FYN: variants seen among roughly 807,000 people sequenced by gnomAD.
FYN encodes FYN proto-oncogene, Src family tyrosine kinase, also known as tyrosine-protein kinase Fyn.
FYN carries 10 observed loss-of-function variants against 70.2 expected under a neutral mutation model. The ratio of observed to expected loss-of-function variants is 0.14; its 90% confidence interval spans 0.09 to 0.24. The LOEUF (loss-of-function observed/expected upper bound fraction) is 0.24. FYN is among the 10% of genes least tolerant of loss of function. FYN has a pLI of 1.00. For missense variants in FYN, 319 were observed against 673.1 expected (o/e 0.47, Z 5.82); for synonymous variants, 236 against 248.6 (o/e 0.95, Z 0.48).
chr6:111,680,344 G>T (rs1336181297), intron 12 of FYN, among the ~76,000 whole-genome samples: 1 of 152,172 alleles, frequency 6.6e-6, no homozygotes, highest in Admixed American at 6.5e-5. Context: ...ATAAATGAAT[G>T]GCTATTATAT....
intron 3 of FYN, among the ~76,000 whole-genome samples, chr6:111,744,973 A>G (rs1802143348): frequency 6.6e-6 from 1 of 152,212 alleles, no homozygotes; most frequent in Non-Finnish European, 1.5e-5. Context: ...GGAAAAATAA[A>G]GCAAGGAAAG....
intron 3 of FYN, among the ~76,000 whole-genome samples, chr6:111,745,728 G>T (rs1802179478): frequency 6.6e-6 from 1 of 152,206 alleles, no homozygotes; most frequent in Non-Finnish European, 1.5e-5. Context: ...GTAAGTGAAA[G>T]ATTTAAAATT....
chr6:111,686,830 CGG>C, intron 12 of FYN, among the ~76,000 whole-genome samples: 1 of 152,284 alleles, frequency 6.6e-6, no homozygotes, highest in East Asian at 1.9e-4. Context: ...GCCTCAGAAG[CGG>C]CTGATTAATA....
At chr6:111,814,757 A>G (rs1772433949) in intron 2 of FYN, among the ~76,000 whole-genome samples, 1 of 152,222 alleles carries the variant, frequency 6.6e-6, no homozygotes, top group African/African-American at 2.4e-5. Context: ...AAAGTGGGAG[A>G]TGGCAATAAA....
At chr6:111,716,176 G>T (rs1394400846) in intron 4 of FYN, among the ~76,000 whole-genome samples, 1 of 152,184 alleles carries the variant, frequency 6.6e-6, no homozygotes, top group Non-Finnish European at 1.5e-5. Flanking sequence ...GCTGGGACAG[G>T]TTGCTGGCCC....
At chr6:111,812,693 T>C (rs930371018) in intron 2 of FYN, among the ~76,000 whole-genome samples, 1 of 141,484 alleles carries the variant, frequency 7.1e-6, no homozygotes, top group Non-Finnish European at 1.5e-5. Context: ...GAGCAGGTCA[T>C]GGGCACAGAA....
At chr6:111,731,176 C>T (rs1460669152) in intron 3 of FYN, among the ~76,000 whole-genome samples, 2 of 152,228 alleles carry the variant, frequency 1.3e-5, no homozygotes, top group East Asian at 3.8e-4. Flanking sequence ...TTCCCAGTCT[C>T]TATAGAGGTT....
At chr6:111,851,978 C>T (rs976459441) in intron 1 of FYN, among the ~76,000 whole-genome samples, 7 of 151,236 alleles carry the variant, frequency 4.6e-5, no homozygotes, top group African/African-American at 9.7e-5. Context: ...ATTTTTGAAA[C>T]GCACCATGTG....
At chr6:111,776,395 C>T (rs1451850995) in intron 3 of FYN, among the ~76,000 whole-genome samples, 1 of 152,122 alleles carries the variant, frequency 6.6e-6, no homozygotes, top group Admixed American at 6.5e-5. Flanking sequence ...GTTTATTAGT[C>T]AGTGTTGCTG....
chr6:111,683,312 T>C (rs1195432216), intron 12 of FYN, among the ~76,000 whole-genome samples: 1 of 152,248 alleles, frequency 6.6e-6, no homozygotes, highest in Non-Finnish European at 1.5e-5. Context: ...CCCATGGCTC[T>C]CCTTGCGGTG....
chr6:111,852,865 C>T (rs149012605), intron 1 of FYN, among the ~76,000 whole-genome samples: 2 of 152,264 alleles, frequency 1.3e-5, no homozygotes, highest in African/African-American at 4.8e-5. Context: ...GCCATGGAAA[C>T]GATGTCATAG....
intron 12 of FYN, among the ~76,000 whole-genome samples, chr6:111,689,474 T>C (rs1799206992): frequency 6.6e-6 from 1 of 152,212 alleles, no homozygotes. Flanking sequence ...CCCAGAGAGA[T>C]GAGGGCATGT....
At chr6:111,781,874 T>C (rs1771187223) in intron 2 of FYN, among the ~76,000 whole-genome samples, 3 of 152,252 alleles carry the variant, frequency 2.0e-5, no homozygotes, top group African/African-American at 7.2e-5. Context: ...ACAAGTCTAA[T>C]ATACTGTAAT....
chr6:111,813,010 A>G (rs1772375705), intron 2 of FYN, among the ~76,000 whole-genome samples: 1 of 152,174 alleles, frequency 6.6e-6, no homozygotes, highest in South Asian at 2.1e-4. Flanking sequence ...TCAAAATTAT[A>G]CAAACAATAT....
intron 2 of FYN, chr6:111,818,763 A>G (rs1012603779): frequency 2.0e-5 from 3 of 152,282 alleles, no homozygotes; most frequent in African/African-American, 7.2e-5. Context: ...AACACAGAAC[A>G]TGATCTCATG....
chr6:111,711,484 C>T (rs1416570915), intron 5 of FYN, among the ~76,000 whole-genome samples: 1 of 152,220 alleles, frequency 6.6e-6, no homozygotes, highest in Non-Finnish European at 1.5e-5. Flanking sequence ...GCACTTACAA[C>T]GGGTCAATGA....
In FYN at chr6:111,769,714, T is replaced by C. The variant is rs543542775; in HGVS notation, c.-12+10852A>G. On this transcript the variant is annotated intron_variant, in intron 3 of 13. Coordinates refer to ENST00000354650, the MANE Select transcript of FYN (RefSeq NM_002037.5). ...GAATCCATTGATTAAGATGGGACTT[T>C]AAGAAAGAATGAATTAAAAAAAAAC... Among the ~76,000 whole-genome samples the C allele has an allele frequency of 3.3e-5, 5 of 152,024 alleles. No homozygotes were observed. The South Asian group carries it at 1.0e-3, about 32-fold the overall frequency.
intron 12 of FYN, among the ~76,000 whole-genome samples, chr6:111,690,207 A>C (rs1422930710): frequency 6.6e-6 from 1 of 152,172 alleles, no homozygotes; most frequent in Non-Finnish European, 1.5e-5. Context: ...GAAGATGGAC[A>C]GCAGATCCTT....
intron 2 of FYN, among the ~76,000 whole-genome samples, chr6:111,810,577 G>A (rs1388624680): frequency 1.3e-5 from 2 of 152,182 alleles, no homozygotes; most frequent in Non-Finnish European, 2.9e-5. Context: ...TTACATTTAT[G>A]TTCATGTTCC....
Sources: allele counts gnomAD v4.1 joint callset (sites outside exome capture counted in the v4.1 genomes callset), GRCh38; gene constraint gnomAD v4.1.1; transcripts MANE v1.5; gene names NCBI Gene and HGNC (gene_info 2026-07-23, HGNC 2026-07-21).